Variants in PCDHGB6 observed in about 807,000 individuals in gnomAD.
The protein encoded by PCDHGB6 is protocadherin gamma-B6.
PCDHGB6 carries 51 observed loss-of-function variants against 59.1 expected under a neutral mutation model. The observed-to-expected ratio is 0.86, with a 90% confidence interval of 0.69 to 1.09. The LOEUF is 1.09. Among genes scored for constraint, PCDHGB6 ranks in the 50% least tolerant of loss-of-function variants. The pLI, the probability that PCDHGB6 is intolerant of heterozygous loss-of-function variation, is 0.00. For synonymous variants in PCDHGB6, 466 were observed against 495.1 expected (o/e 0.94, Z 0.78); for missense variants, 1,148 against 1,205.1 (o/e 0.95, Z 0.70).
intron 1 of PCDHGB6, among the ~76,000 whole-genome samples, chr5:141,439,224 T>C (rs989512996): frequency 2.2e-4 from 33 of 152,030 alleles, no homozygotes; most frequent in Middle Eastern, 3.4e-3. Context: ...TGAAAATTCT[T>C]AGAAGCTTCC....
intron 1 of PCDHGB6, among the ~76,000 whole-genome samples, chr5:141,494,188 T>G (rs2099752632): frequency 6.6e-6 from 1 of 152,186 alleles, no homozygotes; most frequent in Non-Finnish European, 1.5e-5. Flanking sequence ...GTCCCGGGAC[T>G]TGGATGCCCC....
At chr5:141,433,150 G>C (rs1466566074) in intron 1 of PCDHGB6, 5 of 1,613,936 alleles carry the variant, frequency 3.1e-6, no homozygotes, top group Middle Eastern at 1.6e-4. Flanking sequence ...CAGGTGATTC[G>C]GTATTTTCTA....
At chr5:141,427,812 G>C (rs1380721111) in intron 1 of PCDHGB6, 1 of 1,524,406 alleles carries the variant, frequency 6.6e-7, no homozygotes, top group Non-Finnish European at 9.0e-7. Flanking sequence ...CGCACAGAGC[G>C]GGGTGGTGGT....
At chr5:141,444,834 A>G (rs892892307) in intron 1 of PCDHGB6, among the ~76,000 whole-genome samples, 1 of 152,132 alleles carries the variant, frequency 6.6e-6, no homozygotes, top group African/African-American at 2.4e-5. Context: ...TTGTAGCTTT[A>G]TAGTAAGTCT....
intron 1 of PCDHGB6, among the ~76,000 whole-genome samples, chr5:141,438,625 TATATATATATACACACAC>T (rs1351180774): frequency 3.0e-4 from 14 of 46,412 alleles, no homozygotes; most frequent in Middle Eastern, 8.3e-3. Context: ...TATATATATA[TATATATATATACACACAC>T]ACACACACAT....
At chr5:141,417,770 T>G in intron 1 of PCDHGB6, 1 of 1,456,418 alleles carries the variant, frequency 6.9e-7, no homozygotes, top group Non-Finnish European at 9.1e-7. Context: ...CCGGGACTCC[T>G]CCTGTCCTGG....
rs769153122 is a variant in PCDHGB6 at position 141,485,243 on chromosome 5, C to T, written c.2419-9564C>T. 8 of 1,614,062 alleles carry T rather than the reference C, an allele frequency of 5.0e-6. No homozygotes were observed. In the Admixed American group the frequency reaches 1.2e-4, roughly 24 times the overall value. ...TACCCTTTTGTTCCTCTTTTACCACCTGGGTTACGTTTGTGGGCAGATCCG... is the reference window on the plus strand; with the variant it reads ...TACCCTTTTGTTCCTCTTTTACCACTTGGGTTACGTTTGTGGGCAGATCCG... On this transcript the variant is annotated intron_variant, in intron 1 of 3. Transcript: ENST00000520790. The surrounding 1 kb of genome is among the most constrained non-coding windows in gnomAD (Gnocchi z 5.7).
chr5:141,441,811 C>A (rs1007948586), intron 1 of PCDHGB6: 2 of 370,710 alleles, frequency 5.4e-6, no homozygotes, highest in African/African-American at 2.2e-5. Flanking sequence ...GTGCTGTACC[C>A]CAGCTCTGGA....
At chr5:141,427,960 G>C (rs759698390) in intron 1 of PCDHGB6, 7 of 1,589,168 alleles carry the variant, frequency 4.4e-6, no homozygotes, top group South Asian at 1.1e-5. Flanking sequence ...AATGTGCCGC[G>C]GGTGCTGTAC....
intron 1 of PCDHGB6, chr5:141,411,270 A>G (rs1299052773): frequency 6.6e-6 from 1 of 152,160 alleles, no homozygotes; most frequent in African/African-American, 2.4e-5. Context: ...ATATTTTTAA[A>G]GCCTAAAAAT....
At chr5:141,502,274 A>G (rs573517581) in intron 2 of PCDHGB6, among the ~76,000 whole-genome samples, 18 of 152,128 alleles carry the variant, frequency 1.2e-4, no homozygotes, top group African/African-American at 4.1e-4. Context: ...ATCAAGGAGC[A>G]TAGATTGCAT....
intron 1 of PCDHGB6, among the ~76,000 whole-genome samples, chr5:141,492,084 G>C (rs979755390): frequency 2.0e-5 from 3 of 152,236 alleles, no homozygotes; most frequent in African/African-American, 7.2e-5. Flanking sequence ...GCTCCGGCAC[G>C]CTTCGCCGGT....
intron 3 of PCDHGB6, among the ~76,000 whole-genome samples, chr5:141,509,089 G>C (rs1366018197): frequency 6.6e-6 from 1 of 152,158 alleles, no homozygotes; most frequent in Non-Finnish European, 1.5e-5. Context: ...ACATGAAATG[G>C]GGGCTGTAGA....
chr5:141,483,243 ATATATCATGAGGTTTTTTTGTT>A (rs555469799), intron 1 of PCDHGB6, among the ~76,000 whole-genome samples: 11 of 151,654 alleles, frequency 7.3e-5, no homozygotes, highest in African/African-American at 2.2e-4. Context: ...ACTGATATGC[ATATATCATGAGGTTTTTTTGTT>A]TTAGAAATAT....
intron 1 of PCDHGB6, chr5:141,414,623 C>G: frequency 6.2e-7 from 1 of 1,613,938 alleles, no homozygotes; most frequent in South Asian, 1.1e-5. Context: ...GCGCTGGACC[C>G]GGACAGCAAA....
chr5:141,454,587 G>A (rs1000852095), intron 1 of PCDHGB6, among the ~76,000 whole-genome samples: 22 of 150,902 alleles, frequency 1.5e-4, no homozygotes, highest in African/African-American at 5.4e-4. Context: ...TGTATTTTTA[G>A]TAGAGACAGG....
At position 141,431,954 on chromosome 5, in the gene PCDHGB6, G is replaced by A. The variant is rs912037044; in HGVS notation, c.2418+21334G>A. 6.2e-7 allele frequency: 1 copy of A among 1,613,992 alleles called. No individual in the cohort carries two copies. Among genetic ancestry groups the A allele is most frequent in the African/African-American group, 1.3e-5 (1 of 74,896 alleles). ...GCCCTTTAAATTAGAAAAATCTTAC[G>A]GAAATTACTATAGTTTAGTCACAGA... is the stretch of plus-strand genomic sequence containing the variant. On this transcript the variant is annotated intron_variant, in intron 1 of 3. Coordinates refer to ENST00000520790, the MANE Select transcript of PCDHGB6 (RefSeq NM_018926.3). This position sits in a 1 kb window ranked among gnomAD's most constrained non-coding sequence, Gnocchi z 4.8.
In PCDHGB6 at chr5:141,408,842, G is replaced by A; in HGVS notation, c.640G>A (p.Ala214Thr). 6.2e-7 allele frequency: 1 copy of A among 1,613,598 alleles called. No individual in the cohort carries two copies. The highest frequency in any genetic ancestry group is 1.3e-5 in the African/African-American group (1 of 75,036). ...EQRSHSLILT[A>T]LDGGDPPRSA... ...GAGATCTCATAGCTTGATATTGACT[G>A]CCTTGGACGGAGGGGACCCACCAAG... The change falls in exon 1 of 4, where the codon GCC becomes ACC. Residue 214 changes from alanine (A) to threonine (T), a missense_variant. By Grantham distance (58) the Ala-to-Thr change is moderately conservative. Coordinates refer to ENST00000520790, the MANE Select transcript of PCDHGB6 (RefSeq NM_018926.3).
chr5:141,481,780 C>T (rs781334437), intron 1 of PCDHGB6, among the ~76,000 whole-genome samples: 3 of 152,016 alleles, frequency 2.0e-5, no homozygotes, highest in African/African-American at 7.2e-5. Flanking sequence ...GGTGAAACCC[C>T]GTCTCTACTA....
Sources: gnomAD v4.1 joint callset for allele counts (sites outside exome capture counted in the v4.1 genomes callset) on GRCh38, gnomAD v4.1.1 for gene constraint, Gnocchi (gnomAD v3.1) non-coding constraint, MANE v1.5 for transcripts, NCBI Gene and HGNC (gene_info 2026-07-23, HGNC 2026-07-21) for gene names.